Variants in KCNH7 observed in about 807,000 individuals in gnomAD.
KCNH7 encodes voltage-gated inwardly rectifying potassium channel KCNH7.
KCNH7 carries 49 observed loss-of-function variants against 120.8 expected under a neutral mutation model. The ratio of observed to expected loss-of-function variants is 0.41; its 90% CI spans 0.32 to 0.51. The LOEUF (loss-of-function observed/expected upper bound fraction) is 0.51, where lower values mean the gene tolerates loss of function less well. KCNH7 is among the 20% of genes least tolerant of loss of function. The pLI is 0.38. For synonymous variants in KCNH7, 547 were observed against 516.1 expected (o/e 1.06, Z -0.81); for missense variants, 1,097 against 1,446.6 (o/e 0.76, Z 3.92).
At chr2:162,799,313 T>G (rs924121137) in intron 2 of KCNH7, among the ~76,000 whole-genome samples, 1 of 151,936 alleles carries the variant, frequency 6.6e-6, no homozygotes, top group African/African-American at 2.4e-5. Context: ...CTCCCTAAAT[T>G]TTCTATTTAA....
At chr2:162,814,333 T>C (rs566861145) in intron 2 of KCNH7, among the ~76,000 whole-genome samples, 1 of 152,318 alleles carries the variant, frequency 6.6e-6, no homozygotes, top group Admixed American at 6.5e-5. Context: ...ATTTCATCTT[T>C]AGATAATATT....
intron 2 of KCNH7, among the ~76,000 whole-genome samples, chr2:162,620,922 G>T (rs1683331014): frequency 6.6e-6 from 1 of 152,096 alleles, no homozygotes; most frequent in African/African-American, 2.4e-5. Context: ...TGAGAAACAG[G>T]AATTCTGTTA....
chr2:162,773,987 A>G (rs1472605376), intron 2 of KCNH7, among the ~76,000 whole-genome samples: 2 of 152,166 alleles, frequency 1.3e-5, no homozygotes, highest in African/African-American at 4.8e-5. Flanking sequence ...TGGTAATAAA[A>G]TCATTGTTTG....
intron 2 of KCNH7, among the ~76,000 whole-genome samples, chr2:162,816,683 G>A (rs537015094): frequency 2.6e-5 from 4 of 152,234 alleles, no homozygotes; most frequent in South Asian, 2.1e-4. Context: ...ATATGCCAAC[G>A]TGTAACAATA....
At chr2:162,604,602 C>A (rs1694669598) in intron 2 of KCNH7, among the ~76,000 whole-genome samples, 1 of 152,050 alleles carries the variant, frequency 6.6e-6, no homozygotes, top group Non-Finnish European at 1.5e-5. Context: ...CCCTCTAAAT[C>A]TCGCCCTCCT....
intron 9 of KCNH7, among the ~76,000 whole-genome samples, chr2:162,408,244 A>G (rs1399268389): frequency 6.6e-6 from 1 of 152,092 alleles, no homozygotes. Flanking sequence ...ATAGAAATCT[A>G]GCACAGATGA....
At chr2:162,811,726 T>C (rs1022751210) in intron 2 of KCNH7, among the ~76,000 whole-genome samples, 3 of 152,116 alleles carry the variant, frequency 2.0e-5, no homozygotes, top group Non-Finnish European at 4.4e-5. Context: ...AGCACAATTA[T>C]CCTTTGGAGG....
At chr2:162,837,105 T>C (rs1685690343) in intron 1 of KCNH7, among the ~76,000 whole-genome samples, 1 of 152,224 alleles carries the variant, frequency 6.6e-6, no homozygotes, top group African/African-American at 2.4e-5. Flanking sequence ...TTTCAGAATG[T>C]CATTTAATTG....
intron 2 of KCNH7, among the ~76,000 whole-genome samples, chr2:162,641,951 T>C (rs1376695367): frequency 6.6e-6 from 1 of 152,194 alleles, no homozygotes; most frequent in Non-Finnish European, 1.5e-5. Flanking sequence ...AGGCCTTTCT[T>C]AGCCATTTCA....
chr2:162,678,633 C>A (rs1413877654), intron 2 of KCNH7, among the ~76,000 whole-genome samples: 1 of 151,376 alleles, frequency 6.6e-6, no homozygotes, highest in African/African-American at 2.4e-5. Context: ...GGGTCTTTTT[C>A]TGTGTGGATT....
At chr2:162,599,111 C>G (rs1694469611) in intron 2 of KCNH7, among the ~76,000 whole-genome samples, 1 of 151,606 alleles carries the variant, frequency 6.6e-6, no homozygotes, top group African/African-American at 2.4e-5. Context: ...CAAAAATTAG[C>G]TGGAAATCAC....
chr2:162,717,249 G>C (rs1687155386), intron 2 of KCNH7, among the ~76,000 whole-genome samples: 1 of 152,076 alleles, frequency 6.6e-6, no homozygotes, highest in Non-Finnish European at 1.5e-5. Context: ...AAAGTGCCAT[G>C]CATGTTATTT....
chr2:162,575,394 T>C (rs1270007077), intron 2 of KCNH7, among the ~76,000 whole-genome samples: 2 of 152,100 alleles, frequency 1.3e-5, no homozygotes, highest in African/African-American at 4.8e-5. Flanking sequence ...GACTTTAGTC[T>C]GCCTCTTTCT....
chr2:162,838,419 A>G (rs371560303), intron 1 of KCNH7, 24 bp downstream of exon 1: 2 of 1,597,766 alleles, frequency 1.3e-6, no homozygotes, highest in Non-Finnish European at 1.7e-6. Flanking sequence ...AGCGAGGGCG[A>G]GAGAAGAGAA....
At chr2:162,396,490 C>T (rs551486718) in intron 11 of KCNH7, among the ~76,000 whole-genome samples, 1 of 151,842 alleles carries the variant, frequency 6.6e-6, no homozygotes, top group African/African-American at 2.4e-5. Flanking sequence ...AAGTGTGGCA[C>T]CTAAGGGCTT....
Position 162,425,448 on chromosome 2 carries a change from G to A in KCNH7, c.1955-1913C>T, listed in dbSNP as rs75380042. On this transcript the variant is annotated intron_variant, in intron 8 of 15. Coordinates refer to ENST00000332142, the MANE Select transcript of KCNH7 (RefSeq NM_033272.4). Reference sequence around the variant, plus strand: ...TGTATCTTCTACATGAAGAAAAGGTGAGCCTAAATTGTTTTTGAGTAAATG... The same window carrying A: ...TGTATCTTCTACATGAAGAAAAGGTAAGCCTAAATTGTTTTTGAGTAAATG... 4.5e-3 allele frequency among the ~76,000 whole-genome samples: 689 copies of A among 152,240 alleles called. 5 individuals carry two copies. The highest frequency in any genetic ancestry group is 8.2e-3 in the Non-Finnish European group (555 of 68,030).
chr2:162,818,444 A>T, intron 2 of KCNH7, among the ~76,000 whole-genome samples: 1 of 152,038 alleles, frequency 6.6e-6, no homozygotes, highest in East Asian at 1.9e-4. Context: ...ATTATTATTT[A>T]TTTATATTAT....
chr2:162,811,896 G>C (rs1196000248), intron 2 of KCNH7, among the ~76,000 whole-genome samples: 2 of 151,990 alleles, frequency 1.3e-5, no homozygotes, highest in Non-Finnish European at 2.9e-5. Context: ...AAGTATAAAG[G>C]GATAAAAAAA....
chr2:162,536,898 A>G lies in KCNH7; in HGVS notation c.463+27T>C, dbSNP rs544259654. 8 of 1,597,126 alleles carry G rather than the reference A, an allele frequency of 5.0e-6. No homozygotes were observed. The African/African-American group carries it at 5.4e-5, about 11-fold the overall frequency. On this transcript the variant is annotated intron_variant, in intron 3 of 15. Coordinates refer to ENST00000332142, the MANE Select transcript of KCNH7 (RefSeq NM_033272.4). ...CTACAGTAGCAGAATTATCAAGAGC[A>G]TTGAGTACACATTGCCTTTTACTTA...
Sources: gnomAD v4.1 joint callset for allele counts (sites outside exome capture counted in the v4.1 genomes callset) on GRCh38, gnomAD v4.1.1 for gene constraint, MANE v1.5 for transcripts, NCBI Gene and HGNC (gene_info 2026-07-23, HGNC 2026-07-21) for gene names.